The following FBN2 variants were observed in gnomAD, a reference collection of about 807,000 sequenced individuals.
FBN2 encodes fibrillin-2.
Under a neutral mutation model 355.6 loss-of-function variants are expected in FBN2, and 105 were observed. The observed-to-expected ratio is 0.30, with a 90% confidence interval of 0.25 to 0.35. The LOEUF is 0.35. Among genes scored for constraint, FBN2 ranks in the 10% least tolerant of loss-of-function variants. The pLI is 1.00. For missense variants in FBN2, 3,280 were observed against 3,758.7 expected (o/e 0.87, Z 3.33); for synonymous variants, 1,350 against 1,301.2 (o/e 1.04, Z -0.81).
In FBN2 at chr5:128,305,074, C is replaced by T; in HGVS notation, c.5683G>A (p.Glu1895Lys). ...CAAACGTTAGGAATTTCTAAACATT[C>T]ATTGCGATCTAAAACAGAAAAAAAT... ...SPNGACVDRN[E>K]CLEIPNVCSH... is the part of the protein sequence containing the mutation. The change falls in exon 45 of 65, where the codon GAA becomes AAA. Residue 1895 changes from glutamate (E) to lysine (K), a missense_variant. Physicochemically the swap from Glu to Lys is moderately conservative, Grantham distance 56. Around this residue, in one of 6 missense-constraint regions of FBN2, gnomAD observed 2,284 missense variants for 2,749.5 expected, o/e 0.83. Coordinates refer to ENST00000262464, the MANE Select transcript of FBN2 (RefSeq NM_001999.4). 6.2e-7 allele frequency: 1 copy of T among 1,610,254 alleles called. No homozygotes were observed. The highest frequency in any genetic ancestry group is 1.1e-5 in the South Asian group (1 of 90,892).
At chr5:128,309,021 A>T (rs923073465) in intron 41 of FBN2, among the ~76,000 whole-genome samples, 1 of 152,230 alleles carries the variant, frequency 6.6e-6, no homozygotes, top group African/African-American at 2.4e-5. Flanking sequence ...CTCTTCAGCA[A>T]TGGATCTTAT....
At chr5:128,382,948 C>A (rs891711813) in intron 11 of FBN2, among the ~76,000 whole-genome samples, 1 of 151,968 alleles carries the variant, frequency 6.6e-6, no homozygotes, top group Non-Finnish European at 1.5e-5. Flanking sequence ...ACAGATTTAC[C>A]CTCCTTCCTC....
At chr5:128,386,146 T>C (rs1412870268) in intron 11 of FBN2, among the ~76,000 whole-genome samples, 1 of 152,170 alleles carries the variant, frequency 6.6e-6, no homozygotes, top group Non-Finnish European at 1.5e-5. Context: ...AGAGTTTTTA[T>C]AGTTTTAGGT....
At chr5:128,463,000 A>T (rs1324680323) in intron 6 of FBN2, among the ~76,000 whole-genome samples, 3 of 152,202 alleles carry the variant, frequency 2.0e-5, no homozygotes, top group Non-Finnish European at 4.4e-5. Flanking sequence ...TCAAAAGAGA[A>T]TTAAAAACAA....
At position 128,290,799 on chromosome 5, in the gene FBN2, G is replaced by A; in HGVS notation, c.6378C>T (p.Cys2126=). Residue 2126 remains cysteine (C), a synonymous_variant, in exon 50 of 65, where the codon TGC becomes TGT. Transcript: ENST00000262464. The part of the protein sequence containing the change: ...PKAFNTTKAK[C]CCSKMPGEGW... ...CCTCTCCTGGCATCTTACTACAGCA[G>A]CATTTTGCTTTTGTGGTGTTGAAAG... is the stretch of plus-strand genomic sequence containing the variant. 1 of 1,614,054 alleles carries A rather than the reference G, an allele frequency of 6.2e-7. No homozygotes were observed. Among genetic ancestry groups the A allele is most frequent in the East Asian group, 2.2e-5 (1 of 44,886 alleles).
At chr5:128,501,396 A>C (rs1443678568) in intron 5 of FBN2, among the ~76,000 whole-genome samples, 1 of 152,162 alleles carries the variant, frequency 6.6e-6, no homozygotes, top group African/African-American at 2.4e-5. Context: ...GAAGGAAAAC[A>C]ATCCCTAGGT....
At chr5:128,311,490 A>T (rs77577187) in intron 38 of FBN2, 65 bp from the exon 39 acceptor site, 1 of 1,544,010 alleles carries the variant, frequency 6.5e-7, no homozygotes, top group Non-Finnish European at 8.9e-7. Context: ...TTAATATTAG[A>T]GCTTTCAAAA....
chr5:128,335,874 A>G (rs1750823012), intron 28 of FBN2, 114 bp downstream of exon 28: 3 of 1,122,526 alleles, frequency 2.7e-6, no homozygotes, highest in Non-Finnish European at 3.9e-6. Context: ...CCCTAGTCTT[A>G]CATTCATTTT....
intron 7 of FBN2, among the ~76,000 whole-genome samples, chr5:128,420,621 G>A (rs200099514): frequency 3.9e-5 from 6 of 152,138 alleles, no homozygotes; most frequent in East Asian, 1.9e-4. Flanking sequence ...TTAGCTTACC[G>A]ATGACAACTA....
In FBN2 at chr5:128,361,710, A is replaced by G; in HGVS notation, c.2554+13T>C. The G allele has an allele frequency of 6.2e-7, 1 of 1,614,136 alleles. No individual in the cohort carries two copies. Among genetic ancestry groups the G allele is most frequent in the South Asian group, 1.1e-5 (1 of 91,088 alleles). On this transcript the variant is annotated intron_variant, in intron 19 of 64. Coordinates refer to ENST00000262464, the MANE Select transcript of FBN2 (RefSeq NM_001999.4). Reference sequence around the variant, plus strand: ...TCACTATGCACAAATAAGGCGATGAAGACAGCTCTTACCTTCACAGGTCTC... The same window carrying G: ...TCACTATGCACAAATAAGGCGATGAGGACAGCTCTTACCTTCACAGGTCTC...
At chr5:128,460,259 G>T (rs1754523530) in intron 6 of FBN2, among the ~76,000 whole-genome samples, 1 of 152,094 alleles carries the variant, frequency 6.6e-6, no homozygotes, top group African/African-American at 2.4e-5. Context: ...ATTCACAATT[G>T]CTACAAAGAG....
chr5:128,537,823 A>AGCGGCGAGGCGCG lies in FBN2; in HGVS notation c.-233_-221dup. 1 of 601,322 alleles carries AGCGGCGAGGCGCG rather than the reference A, an allele frequency of 1.7e-6. No individual in the cohort carries two copies. The highest frequency in any genetic ancestry group is 2.8e-5 in the East Asian group (1 of 35,848). The allele number at this position is 601,322 out of a possible 1,614,324, so 37.2% of individuals were successfully genotyped here. On this transcript the variant is annotated 5_prime_UTR_variant, in exon 1 of 65. An upstream open reading frame in the 5' UTR loses its in-frame stop. Coordinates refer to ENST00000262464, the MANE Select transcript of FBN2 (RefSeq NM_001999.4). ...GCGGGGCGCCGGGTCTAGCGCAGTG[A>AGCGGCGAGGCGCG]GCGGCGAGGCGCGGCGGAGGTGCAG... is the stretch of plus-strand genomic sequence containing the variant.
At chr5:128,299,154 G>C (rs1441353675) in intron 48 of FBN2, among the ~76,000 whole-genome samples, 4 of 151,968 alleles carry the variant, frequency 2.6e-5, no homozygotes, top group Non-Finnish European at 5.9e-5. Context: ...CGGGGGTCAG[G>C]GGTCAGGGAC....
At chr5:128,536,512 C>T (rs773328957) in intron 1 of FBN2, 28 bp from the exon 2 acceptor site, 24 of 1,566,594 alleles carry the variant, frequency 1.5e-5, no homozygotes, top group Admixed American at 3.4e-5. Context: ...GGTCACGTAA[C>T]AGATAGGTAG....
chr5:128,344,604 T>A, intron 24 of FBN2, 94 bp from the exon 25 acceptor site: 1 of 1,166,852 alleles, frequency 8.6e-7, no homozygotes. Flanking sequence ...TGGACAACAG[T>A]AATGCATCCA....
chr5:128,496,619 A>G (rs900862848), intron 5 of FBN2, among the ~76,000 whole-genome samples: 4 of 152,110 alleles, frequency 2.6e-5, no homozygotes, highest in African/African-American at 9.7e-5. Flanking sequence ...TGATCTTGCC[A>G]CTTCTATTCA....
At chr5:128,374,037 G>A (rs1752017114) in intron 15 of FBN2, among the ~76,000 whole-genome samples, 1 of 151,650 alleles carries the variant, frequency 6.6e-6, no homozygotes, top group Admixed American at 6.6e-5. Flanking sequence ...TATCTTATTT[G>A]TTATTAATTA....
rs770234393 is a variant in FBN2 at position 128,333,139 on chromosome 5, G to A, written c.4100-105C>T. 729 of 1,024,950 alleles carry A rather than the reference G, an allele frequency of 7.1e-4. 1 individual carries two copies. The highest frequency in any genetic ancestry group is 1.0e-3 in the Non-Finnish European group (683 of 663,508). The allele number at this position is 1,024,950 out of a possible 1,614,324, so 63.5% of individuals were successfully genotyped here. On this transcript the variant is annotated intron_variant, in intron 31 of 64. Coordinates refer to ENST00000262464, the MANE Select transcript of FBN2 (RefSeq NM_001999.4). ...AACATTTTAAAGTAAAGATGCAACC[G>A]TATGGAGAAAAGAGTAGCCTAACTA...
At chr5:128,325,076 G>T (rs1232276870) in intron 34 of FBN2, among the ~76,000 whole-genome samples, 1 of 152,178 alleles carries the variant, frequency 6.6e-6, no homozygotes, top group Non-Finnish European at 1.5e-5. Context: ...TGAGAAGAAT[G>T]TATATTTTGT....
Sources: gnomAD v4.1 joint callset for allele counts (sites outside exome capture counted in the v4.1 genomes callset) on GRCh38, gnomAD v4.1.1 for gene constraint, gnomAD v4.1.1 regional missense constraint, MANE v1.5 for transcripts, NCBI Gene and HGNC (gene_info 2026-07-23, HGNC 2026-07-21) for gene names.